Variants in RNF207 observed in about 807,000 individuals in gnomAD.
RNF207 encodes the protein OTTHUMG00000001089.
In RNF207, 72 loss-of-function variants were observed where a neutral mutation model predicts 79.0. The ratio of observed to expected loss-of-function variants is 0.91; its 90% CI spans 0.75 to 1.11. The LOEUF is 1.11. Ranked by LOEUF, RNF207 falls within the 50% of genes least tolerant of loss-of-function variation. The pLI is 0.00. For missense variants in RNF207, 936 were observed against 855.8 expected (o/e 1.09, Z -1.17); for synonymous variants, 348 against 366.2 (o/e 0.95, Z 0.57).
chr1:6,209,446 G>A lies in RNF207; in HGVS notation c.660G>A (p.Glu220=). The A allele has an allele frequency of 6.6e-7, 1 of 1,516,418 alleles. No individual in the cohort carries two copies. The highest frequency in any genetic ancestry group is 1.2e-5 in the South Asian group (1 of 80,530). The allele number at this position is 1,516,418 out of a possible 1,614,324, so 93.9% of individuals were successfully genotyped here. ...AGGCCCTGCAGACGGCCACGCGGGA[G>A]GCCATCGCGCTGCTGCAGGCCATGG... ...AVKALQTATR[E]AIALLQAMVE... is the part of the protein sequence containing the mutation. Residue 220 remains glutamate, a synonymous_variant, in exon 7 of 18, where the codon GAG becomes GAA. Coordinates refer to ENST00000377939, the MANE Select transcript of RNF207 (RefSeq NM_207396.3).
intron 16 of RNF207, 55 bp downstream of exon 16, chr1:6,213,238 G>A (rs1668245223): frequency 2.5e-6 from 3 of 1,204,356 alleles, no homozygotes; most frequent in Non-Finnish European, 3.7e-6. Flanking sequence ...ATGTGCATGG[G>A]GGCTGGGTGC....
rs762805736 is a variant in RNF207, at chr1:6,211,111, G to A, written c.1102G>A (p.Ala368Thr). Reference sequence around the variant, plus strand: ...TCGGGTGGCAGCTGCTGCAAGTGGTGCTAACACGTGAGCAGCAACCGGGGA... The same window carrying A: ...TCGGGTGGCAGCTGCTGCAAGTGGTACTAACACGTGAGCAGCAACCGGGGA... ...PRRVAAAASGANTLAGGLGPK... is the reference protein window; with the variant it reads ...PRRVAAAASGTNTLAGGLGPK... Residue 368 changes from alanine to threonine, a missense_variant, in exon 12 of 18, where the codon GCT becomes ACT. Coordinates refer to ENST00000377939, the MANE Select transcript of RNF207 (RefSeq NM_207396.3). This position sits in a 1 kb window ranked among gnomAD's most constrained non-coding sequence, Gnocchi z 4.2. 4.4e-6 allele frequency: 7 copies of A among 1,590,126 alleles called. No individual in the cohort carries two copies. In the East Asian group the frequency reaches 1.1e-4, roughly 26 times the overall value.
rs761848546 is a variant in RNF207, at chr1:6,207,501, G to A, written c.314G>A (p.Cys105Tyr). ...AVRCANCDLE[C>Y]SEQDVETTYF... ...CGCTGTGCCAACTGTGACCTGGAGT[G>A]CAGCGAGCAGGCAGGGGCGGCAGGG... The change falls in exon 3 of 18, where the codon TGC (cysteine) becomes TAC (tyrosine). Residue 105 changes from cysteine (C) to tyrosine (Y), a missense_variant. Cys to Tyr is a radical substitution (Grantham distance 194, BLOSUM62 -2). Coordinates refer to ENST00000377939, the MANE Select transcript of RNF207 (RefSeq NM_207396.3). This position sits in a 1 kb window ranked among gnomAD's most constrained non-coding sequence, Gnocchi z 4.5. 1 of 1,603,772 alleles carries A rather than the reference G, an allele frequency of 6.2e-7. No individual in the cohort carries two copies. The highest frequency in any genetic ancestry group is 8.5e-7 in the Non-Finnish European group (1 of 1,175,774).
chr1:6,213,782 C>G (rs1334612843), intron 16 of RNF207, among the ~76,000 whole-genome samples: 2 of 152,166 alleles, frequency 1.3e-5, no homozygotes, highest in Admixed American at 6.5e-5. Context: ...CAATGTAAGA[C>G]AAGCCAAGTC....
At position 6,212,302 on chromosome 1, in the gene RNF207, C is replaced by G. The variant is rs1668207302; in HGVS notation, c.1368C>G (p.His456Gln). The change falls in exon 14 of 18, where the codon CAC (histidine) becomes CAG (glutamine). Residue 456 changes from histidine (H) to glutamine (Q), a missense_variant. By Grantham distance (24) the His-to-Gln change is conservative. Transcript: ENST00000377939. ...TGCACCGAGACCTCACCAAGCACCA[C>G]TCGCTCATCAAGGCGGAGATCATGG... ...QELHRDLTKH[H>Q]SLIKAEIMGD... The G allele has an allele frequency of 1.2e-6, 2 of 1,613,924 alleles. No homozygotes were observed. Among genetic ancestry groups the G allele is most frequent in the Middle Eastern group, 1.6e-4 (1 of 6,084 alleles).
chr1:6,211,097 C>A lies in RNF207; in HGVS notation c.1088C>A (p.Ala363Asp). Reference protein sequence around the residue: ...LLLLGPRRVAAAASGANTLAG... With the variant: ...LLLLGPRRVADAASGANTLAG... The stretch of plus-strand genomic sequence containing the variant: ...CTGCTGGGGCCACGTCGGGTGGCAG[C>A]TGCTGCAAGTGGTGCTAACACGTGA... Residue 363 changes from alanine (A) to aspartate (D), a missense_variant, in exon 12 of 18, where the codon GCT becomes GAT. Physicochemically the swap from Ala to Asp is moderately radical, Grantham distance 126 (BLOSUM62 -2). Transcript: ENST00000377939. This position sits in a 1 kb window ranked among gnomAD's most constrained non-coding sequence, Gnocchi z 4.2. 1.3e-6 allele frequency: 2 copies of A among 1,599,356 alleles called. No homozygotes were observed. Among genetic ancestry groups the A allele is most frequent in the Admixed American group, 1.7e-5 (1 of 59,354 alleles).
At position 6,219,222 on chromosome 1, in the gene RNF207, G is replaced by A. The variant is rs762065061; in HGVS notation, c.1734-14G>A. 6.3e-7 allele frequency: 1 copy of A among 1,598,826 alleles called. No homozygotes were observed. The highest frequency in any genetic ancestry group is 1.1e-5 in the South Asian group (1 of 89,412). On this transcript the variant is annotated splice_polypyrimidine_tract_variant and intron_variant, in intron 17 of 17. Transcript: ENST00000377939. ...GGGGGAGCGGGCTGGGCTTACATGA[G>A]GCTGTCCCTTTAGGAATAATCCAGG...
rs1479178283 is a variant in RNF207, at chr1:6,208,976, C to G, written c.420C>G (p.His140Gln). 1 of 1,537,400 alleles carries G rather than the reference C, an allele frequency of 6.5e-7. No individual in the cohort carries two copies. Among genetic ancestry groups the G allele is most frequent in the South Asian group, 1.2e-5 (1 of 84,016 alleles). ...ETHRARMFAR[H>Q]DIVALGQRSR... is the part of the protein sequence containing the mutation. ...ACCGAGCACGCATGTTCGCGCGCCA[C>G]GACATCGTGGCCCTGGGTCAGCGAA... The change falls in exon 4 of 18, where the codon CAC (histidine) becomes CAG (glutamine). Residue 140 changes from histidine (H) to glutamine (Q), a missense_variant. His to Gln is a conservative substitution (Grantham distance 24). Coordinates refer to ENST00000377939, the MANE Select transcript of RNF207 (RefSeq NM_207396.3).
Position 6,211,607 on chromosome 1 carries a change from C to A in RNF207, c.1110-260C>A, listed in dbSNP as rs546980217. 1.8e-3 allele frequency among the ~76,000 whole-genome samples: 276 copies of A among 152,230 alleles called. 2 individuals are homozygous for A. Among genetic ancestry groups the A allele is most frequent in the Non-Finnish European group, 2.8e-3 (188 of 68,012 alleles). ...CATAGAAGTGAACACACCACTCACT[C>A]GGTCCTGGCCCCGGCAGCATTCCGA... On this transcript the variant is annotated intron_variant, in intron 12 of 17. Coordinates refer to ENST00000377939, the MANE Select transcript of RNF207 (RefSeq NM_207396.3). The surrounding 1 kb of genome is among the most constrained non-coding windows in gnomAD (Gnocchi z 4.2).
At chr1:6,216,538 A>G (rs1359060113) in intron 16 of RNF207, among the ~76,000 whole-genome samples, 1 of 147,138 alleles carries the variant, frequency 6.8e-6, no homozygotes, top group African/African-American at 2.5e-5. Flanking sequence ...TCTCAGCAGC[A>G]CTCGTGAGCA....
chr1:6,215,804 A>G (rs555134160), intron 16 of RNF207, among the ~76,000 whole-genome samples: 13 of 152,304 alleles, frequency 8.5e-5, no homozygotes, highest in African/African-American at 2.6e-4. Context: ...CTGGGATTAC[A>G]GGTGTGTGCC....
Position 6,217,325 on chromosome 1 carries a change from C to T in RNF207, c.1653-964C>T, listed in dbSNP as rs1267098969. Among the ~76,000 whole-genome samples, 5 of 152,168 alleles carry T rather than the reference C, an allele frequency of 3.3e-5. No individual in the cohort carries two copies. Among genetic ancestry groups the T allele is most frequent in the Admixed American group, 3.3e-4 (5 of 15,272 alleles). ...AGGGCTCAGCCTTAGGCATTCTCCA[C>T]AGCCTACGCTCACTCCTTGGGCGAC... On this transcript the variant is annotated intron_variant, in intron 16 of 17. Coordinates refer to ENST00000377939, the MANE Select transcript of RNF207 (RefSeq NM_207396.3). This position sits in a 1 kb window ranked among gnomAD's most constrained non-coding sequence, Gnocchi z 4.2.
At position 6,211,063 on chromosome 1, in the gene RNF207, C is replaced by T. The variant is rs200205747; in HGVS notation, c.1054C>T (p.Pro352Ser). The T allele has an allele frequency of 1.2e-6, 2 of 1,608,036 alleles. No homozygotes were observed. The highest frequency in any genetic ancestry group is 2.7e-5 in the African/African-American group (2 of 75,008). The change falls in exon 12 of 18, where the codon CCA (proline) becomes TCA (serine). Residue 352 changes from proline (P) to serine (S), a missense_variant. Pro to Ser is a moderately conservative substitution (Grantham distance 74). Coordinates refer to ENST00000377939, the MANE Select transcript of RNF207 (RefSeq NM_207396.3). This position sits in a 1 kb window ranked among gnomAD's most constrained non-coding sequence, Gnocchi z 4.2. ...HRAEFARCLE[P>S]LLLLGPRRVA... ...AGCTGAATTCGCGCGCTGTCTGGAGCCACTGCTGCTGCTGGGGCCACGTCG... is the reference window on the plus strand; with the variant it reads ...AGCTGAATTCGCGCGCTGTCTGGAGTCACTGCTGCTGCTGGGGCCACGTCG...
chr1:6,210,462 A>G (rs1392048344), intron 10 of RNF207, 24 bp downstream of exon 10: 6 of 1,593,916 alleles, frequency 3.8e-6, no homozygotes, highest in Non-Finnish European at 5.1e-6. Context: ...GCTCCTGCAG[A>G]TGCCCCCTCC....
At chr1:6,208,743 G>A (rs567554079) in intron 3 of RNF207, 138 bp from the exon 4 acceptor site, 2 of 868,898 alleles carry the variant, frequency 2.3e-6, no homozygotes, top group Non-Finnish European at 3.4e-6. Context: ...CAAGTGCCTG[G>A]ATTACAGGAA....
At chr1:6,218,697 C>T (rs557349717) in intron 17 of RNF207, among the ~76,000 whole-genome samples, 119 of 152,324 alleles carry the variant, frequency 7.8e-4, no homozygotes, top group African/African-American at 2.8e-3. Context: ...AGAAAGTGAC[C>T]GAGGACTGTT....
chr1:6,213,305 G>A (rs1668248799), intron 16 of RNF207, 122 bp downstream of exon 16: 1 of 587,206 alleles, frequency 1.7e-6, no homozygotes, highest in Non-Finnish European at 3.1e-6. Flanking sequence ...CGGATAACCT[G>A]AGGTCAGCAG....
Position 6,212,033 on chromosome 1 carries a change from C to A in RNF207, c.1276C>A (p.His426Asn). The change falls in exon 13 of 18, where the codon CAC becomes AAC. Residue 426 changes from histidine to asparagine, a missense_variant. Transcript: ENST00000377939. ...ENTPFAEHCRHYEDSYRHLQA... is the reference protein window; with the variant it reads ...ENTPFAEHCRNYEDSYRHLQA... Reference sequence around the variant, plus strand: ...CACGCCCTTCGCAGAGCACTGCCGCCACTATGAGGACTCCTACCGGGTGAG... The same window carrying A: ...CACGCCCTTCGCAGAGCACTGCCGCAACTATGAGGACTCCTACCGGGTGAG... 6.2e-7 allele frequency: 1 copy of A among 1,601,976 alleles called. No individual in the cohort carries two copies. The highest frequency in any genetic ancestry group is 2.3e-5 in the East Asian group (1 of 44,360).
rs761725487 is a variant in RNF207, at chr1:6,212,419, A to G, written c.1482+3A>G. Reference sequence around the variant, plus strand: ...GCATGAGGGTCGTCTTCCAGGAGGTAGCCCTCCCAAGGACTCTAACTCCAG... The same window carrying G: ...GCATGAGGGTCGTCTTCCAGGAGGTGGCCCTCCCAAGGACTCTAACTCCAG... On this transcript the variant is annotated splice_donor_region_variant and intron_variant, in intron 14 of 17. Coordinates refer to ENST00000377939, the MANE Select transcript of RNF207 (RefSeq NM_207396.3). 1.2e-6 allele frequency: 2 copies of G among 1,603,920 alleles called. No homozygotes were observed. Among genetic ancestry groups the G allele is most frequent in the East Asian group, 2.2e-5 (1 of 44,848 alleles).
Sources: gnomAD v4.1 joint callset for allele counts (sites outside exome capture counted in the v4.1 genomes callset) on GRCh38, gnomAD v4.1.1 for gene constraint, Gnocchi (gnomAD v3.1) non-coding constraint, MANE v1.5 for transcripts, NCBI Gene and HGNC (gene_info 2026-07-23, HGNC 2026-07-21) for gene names.